Variants in DLGAP2 observed in about 807,000 individuals in gnomAD.
DLGAP2 encodes DLG associated protein 2.
In DLGAP2, 26 loss-of-function variants were observed where a neutral mutation model predicts 100.3. The ratio of observed to expected loss-of-function variants is 0.26; its 90% confidence interval spans 0.19 to 0.36. The LOEUF (loss-of-function observed/expected upper bound fraction) is 0.36. DLGAP2 is among the 10% of genes least tolerant of loss of function. The pLI is 1.00. For missense variants in DLGAP2, 1,858 were observed against 1,453.2 expected (o/e 1.28, Z -4.53); for synonymous variants, 886 against 630.1 (o/e 1.41, Z -6.08).
At chr8:782,610 C>G (rs1399505911) in intron 1 of DLGAP2, among the ~76,000 whole-genome samples, 5 of 152,154 alleles carry the variant, frequency 3.3e-5, no homozygotes, top group East Asian at 1.9e-4. Flanking sequence ...ATGGCAGATT[C>G]AAATCAATGT....
chr8:1,097,220 C>T lies in DLGAP2; in HGVS notation c.74-161631C>T, dbSNP rs568313624. Among the ~76,000 whole-genome samples, 179 of 132,650 alleles carry T rather than the reference C, an allele frequency of 1.3e-3. 9 individuals are homozygous for T. The highest frequency in any genetic ancestry group is 5.3e-3 in the African/African-American group (173 of 32,844). 87.0% of individuals were successfully genotyped at this position (132,650 alleles called of 152,430 possible). ...GAGCTGGGAGCCTAGGGCAGGCCTT[C>T]ACCCTCTGTGGCATGGAGAGGTCCC... On this transcript the variant is annotated intron_variant, in intron 2 of 14. Transcript: ENST00000637795.
At chr8:1,449,272 G>C (rs995916373) in intron 3 of DLGAP2, among the ~76,000 whole-genome samples, 2 of 152,200 alleles carry the variant, frequency 1.3e-5, no homozygotes, top group African/African-American at 2.4e-5. Flanking sequence ...GTGATTCCGG[G>C]GTAATTGTTC....
chr8:1,578,320 G>T (rs78557215), intron 6 of DLGAP2, among the ~76,000 whole-genome samples: 3,997 of 152,268 alleles, frequency 0.026, 179 homozygotes, highest in African/African-American at 0.092. Context: ...CTTGCTAATT[G>T]TATTTAATTT....
At chr8:817,398 T>C (rs973305741) in intron 1 of DLGAP2, among the ~76,000 whole-genome samples, 2 of 152,258 alleles carry the variant, frequency 1.3e-5, no homozygotes, top group Non-Finnish European at 2.9e-5. Context: ...TTCCTTAAGT[T>C]GGACTTCACC....
At chr8:1,037,935 C>T (rs1452434739) in intron 2 of DLGAP2, among the ~76,000 whole-genome samples, 1 of 152,202 alleles carries the variant, frequency 6.6e-6, no homozygotes, top group East Asian at 1.9e-4. Context: ...CTGGCTTGAC[C>T]ACACTTTGAG....
chr8:1,588,730 G>A (rs1275453157), intron 6 of DLGAP2, among the ~76,000 whole-genome samples: 1 of 103,500 alleles, frequency 9.7e-6, no homozygotes, highest in Non-Finnish European at 1.8e-5. Flanking sequence ...GGTGAAAGCT[G>A]TCTTTACTAA....
intron 2 of DLGAP2, among the ~76,000 whole-genome samples, chr8:1,166,216 C>T (rs375913456): frequency 6.6e-6 from 1 of 152,286 alleles, no homozygotes; most frequent in Non-Finnish European, 1.5e-5. Context: ...CAAATGCCTG[C>T]ACCACATCCT....
intron 3 of DLGAP2, among the ~76,000 whole-genome samples, chr8:1,452,746 A>T (rs1019489834): frequency 6.6e-6 from 1 of 151,988 alleles, no homozygotes; most frequent in Admixed American, 6.5e-5. Context: ...AGGCTGGGTC[A>T]GTGGTTCTCC....
intron 4 of DLGAP2, among the ~76,000 whole-genome samples, chr8:1,516,610 A>C (rs1338579622): frequency 6.6e-6 from 1 of 151,834 alleles, no homozygotes; most frequent in Non-Finnish European, 1.5e-5. Flanking sequence ...TGAATGAGTG[A>C]GTGAATCAGG....
At chr8:744,753 C>G (rs1039082911) in intron 1 of DLGAP2, among the ~76,000 whole-genome samples, 4 of 152,214 alleles carry the variant, frequency 2.6e-5, no homozygotes, top group Non-Finnish European at 5.9e-5. Context: ...TGGGCTGTGC[C>G]CCAGCAACAC....
chr8:1,363,099 A>G (rs1437151285), intron 3 of DLGAP2, among the ~76,000 whole-genome samples: 1 of 152,242 alleles, frequency 6.6e-6, no homozygotes, highest in African/African-American at 2.4e-5. Flanking sequence ...CATTTTTAGA[A>G]GTTGGCAAGT....
chr8:1,546,478 C>T (rs1427738562), intron 4 of DLGAP2, among the ~76,000 whole-genome samples: 1 of 152,376 alleles, frequency 6.6e-6, no homozygotes, highest in South Asian at 2.1e-4. Context: ...GTTTCCATGG[C>T]CATGCTGGCC....
At chr8:816,972 C>G (rs1796492521) in intron 1 of DLGAP2, among the ~76,000 whole-genome samples, 1 of 152,106 alleles carries the variant, frequency 6.6e-6, no homozygotes, top group Non-Finnish European at 1.5e-5. Context: ...AACCCTGTCT[C>G]TACTAAAAAT....
At chr8:1,295,578 C>T (rs991213711) in intron 3 of DLGAP2, among the ~76,000 whole-genome samples, 1 of 152,236 alleles carries the variant, frequency 6.6e-6, no homozygotes, top group African/African-American at 2.4e-5. Context: ...CTCCTGGAAA[C>T]AGCTCTCCAC....
At chr8:1,490,454 C>G (rs1157755449) in intron 3 of DLGAP2, among the ~76,000 whole-genome samples, 1 of 152,108 alleles carries the variant, frequency 6.6e-6, no homozygotes, top group Non-Finnish European at 1.5e-5. Flanking sequence ...GTTAAAATGC[C>G]TGAAAAAGTT....
chr8:1,346,116 G>T (rs1024567570), intron 3 of DLGAP2, among the ~76,000 whole-genome samples: 1 of 152,154 alleles, frequency 6.6e-6, no homozygotes, highest in African/African-American at 2.4e-5. Context: ...TATGGTGTCT[G>T]TGTGGAAGTC....
At chr8:758,901 G>C (rs1010400456) in intron 1 of DLGAP2, among the ~76,000 whole-genome samples, 1 of 151,846 alleles carries the variant, frequency 6.6e-6, no homozygotes. Flanking sequence ...CAGCAAAATT[G>C]AGCAGAAGGC....
chr8:1,532,677 C>T (rs566887765), intron 4 of DLGAP2, among the ~76,000 whole-genome samples: 1 of 152,094 alleles, frequency 6.6e-6, no homozygotes, highest in African/African-American at 2.4e-5. Context: ...AAGAAATGTG[C>T]AAAAACTTTT....
At chr8:1,280,315 C>T (rs2116947134) in intron 3 of DLGAP2, among the ~76,000 whole-genome samples, 1 of 152,298 alleles carries the variant, frequency 6.6e-6, no homozygotes, top group South Asian at 2.1e-4. Flanking sequence ...CCCTTCCCAT[C>T]TATTTCCTTG....
Sources: gnomAD v4.1 joint callset for allele counts (sites outside exome capture counted in the v4.1 genomes callset) on GRCh38, gnomAD v4.1.1 for gene constraint, MANE v1.5 for transcripts, NCBI Gene and HGNC (gene_info 2026-07-23, HGNC 2026-07-21) for gene names.